The following MYO10 variants were observed in gnomAD, a reference collection of about 807,000 sequenced individuals.
MYO10 encodes the protein myosin X, also known as unconventional myosin-X.
In MYO10, 133 loss-of-function variants were observed where a neutral mutation model predicts 257.3. The observed-to-expected ratio is 0.52, with a 90% CI of 0.45 to 0.60. The LOEUF is 0.60. MYO10 is among the 20% of genes least tolerant of loss of function. MYO10 has a pLI of 0.00. For missense variants in MYO10, 2,399 were observed against 2,635.7 expected, an observed-to-expected ratio of 0.91 and a Z score of 1.97; for synonymous variants, 1,104 against 1,028.6, an observed-to-expected ratio of 1.07 and a Z score of -1.40.
chr5:16,756,148 C>T (rs1162817622), intron 18 of MYO10, among the ~76,000 whole-genome samples: 12 of 152,260 alleles, frequency 7.9e-5, no homozygotes, highest in South Asian at 2.1e-4. Context: ...TCACAGCTCA[C>T]GGCAGCTTCA....
At position 16,700,978 on chromosome 5, in the gene MYO10, C is replaced by A. The variant is rs777311040; in HGVS notation, c.3417G>T (p.Glu1139Asp). ...NSSGAYRFSS[E>D]GAQSSFEDSE... ...AGGTACTTACCGAGGACTGCGCCCCCTCAGAGCTGAACCGGTAGGCACCCG... is the reference window on the plus strand; with the variant it reads ...AGGTACTTACCGAGGACTGCGCCCCATCAGAGCTGAACCGGTAGGCACCCG... The change falls in exon 25 of 41, where the codon GAG (glutamate) becomes GAT (aspartate). Residue 1139 changes from glutamate (E) to aspartate (D), a missense_variant. Physicochemically the swap from Glu to Asp is conservative, Grantham distance 45. Transcript: ENST00000513610. The A allele has an allele frequency of 1.3e-6, 2 of 1,557,160 alleles. No individual in the cohort carries two copies. The highest frequency in any genetic ancestry group is 1.7e-6 in the Non-Finnish European group (2 of 1,150,206).
intron 2 of MYO10, among the ~76,000 whole-genome samples, chr5:16,829,897 A>G (rs550638936): frequency 4.0e-5 from 6 of 148,860 alleles, no homozygotes; most frequent in Middle Eastern, 3.5e-3. Context: ...ACACACACAC[A>G]CACACGCACA....
At chr5:16,855,007 A>G (rs78511667) in intron 2 of MYO10, among the ~76,000 whole-genome samples, 1,819 of 152,044 alleles carry the variant, frequency 0.012, 32 homozygotes, top group Middle Eastern at 0.034. Context: ...CACTCAGCCC[A>G]GACGACAACA....
chr5:16,699,652 T>C (rs768926829), intron 25 of MYO10, 79 bp from the exon 26 acceptor site: 24 of 1,585,148 alleles, frequency 1.5e-5, no homozygotes, highest in South Asian at 3.3e-5. Context: ...TGTATCATCA[T>C]TGAAAAAATA....
intron 1 of MYO10, among the ~76,000 whole-genome samples, chr5:16,899,440 G>C (rs1214385981): frequency 1.3e-5 from 2 of 151,486 alleles, no homozygotes; most frequent in Non-Finnish European, 2.9e-5. Context: ...TTCGAGACCA[G>C]CTTGCCCAAC....
chr5:16,711,012 G>C lies in MYO10; in HGVS notation c.2065C>G (p.Leu689Val). ...TCAGGCAGAGCCAGATTCCTCATCA[G>C]CACTTTATACCTGCAACGTGAAGAC... ...FQDFYKRYKV[L>V]MRNLALPEDV... The change falls in exon 21 of 41, where the codon CTG becomes GTG. Residue 689 changes from leucine (L) to valine (V), a missense_variant. Around this residue, in one of 3 missense-constraint regions of MYO10, gnomAD observed 1,820 missense variants for 1,939.4 expected, o/e 0.94. Transcript: ENST00000513610. 2 of 1,613,962 alleles carry C rather than the reference G, an allele frequency of 1.2e-6. No individual in the cohort carries two copies. The highest frequency in any genetic ancestry group is 1.7e-6 in the Non-Finnish European group (2 of 1,179,882).
intron 1 of MYO10, chr5:16,902,347 G>C: frequency 8.6e-7 from 1 of 1,168,394 alleles, no homozygotes; most frequent in Non-Finnish European, 1.3e-6. Flanking sequence ...CTAAATCAGG[G>C]TGGGGGTGTT....
chr5:16,906,290 C>T (rs903081173), intron 1 of MYO10, among the ~76,000 whole-genome samples: 1 of 152,170 alleles, frequency 6.6e-6, no homozygotes, highest in Non-Finnish European at 1.5e-5. Context: ...GAATTTGAGT[C>T]CTTCAGCTCG....
chr5:16,679,643 G>A (rs918988165), intron 33 of MYO10, among the ~76,000 whole-genome samples: 5 of 150,982 alleles, frequency 3.3e-5, no homozygotes, highest in African/African-American at 9.7e-5. Flanking sequence ...TTCTGCCTCA[G>A]CCTCCTGTGT....
In MYO10 at chr5:16,701,778, C is replaced by T. The variant is rs375660898; in HGVS notation, c.2617G>A (p.Glu873Lys). Residue 873 changes from glutamate to lysine, a missense_variant, in exon 25 of 41, where the codon GAA becomes AAA. Physicochemically the swap from Glu to Lys is moderately conservative, Grantham distance 56. Transcript: ENST00000513610. This position sits in a 1 kb window ranked among gnomAD's most constrained non-coding sequence, Gnocchi z 8.1. ...TGTTTCTCCAGTTCACGGGTCAGTT[C>T]AGCTTCCTTCTGGCTCTTCTGCAAG... is the stretch of plus-strand genomic sequence containing the variant. ...EALQKSQKEA[E>K]LTRELEKQKE... 3.7e-6 allele frequency: 6 copies of T among 1,613,654 alleles called. No homozygotes were observed. The highest frequency in any genetic ancestry group is 5.1e-6 in the Non-Finnish European group (6 of 1,179,814).
chr5:16,906,327 C>T (rs1213082332), intron 1 of MYO10, among the ~76,000 whole-genome samples: 3 of 152,184 alleles, frequency 2.0e-5, no homozygotes, highest in African/African-American at 4.8e-5. Context: ...TTCTCAGCAG[C>T]AACACCACTG....
At chr5:16,689,739 C>T in intron 28 of MYO10, 85 bp downstream of exon 28, 4 of 1,138,592 alleles carry the variant, frequency 3.5e-6, no homozygotes, top group Non-Finnish European at 5.3e-6. Flanking sequence ...AAGGCCAGTA[C>T]AGTAAACAGT....
intron 31 of MYO10, 120 bp from the exon 32 acceptor site, chr5:16,681,623 C>T: frequency 1.8e-6 from 2 of 1,140,904 alleles, no homozygotes; most frequent in Non-Finnish European, 2.5e-6. Flanking sequence ...AGAAAAAGAC[C>T]ACGAACACCC....
chr5:16,893,633 CAAAAA>C (rs58021066), intron 1 of MYO10, among the ~76,000 whole-genome samples: 1 of 57,210 alleles, frequency 1.7e-5, no homozygotes, highest in Admixed American at 2.0e-4. Flanking sequence ...GACTCTGTCT[CAAAAA>C]AAAAAAAAAA....
intron 3 of MYO10, chr5:16,814,751 CG>C (rs1055796166): frequency 2.6e-5 from 4 of 151,870 alleles, no homozygotes; most frequent in African/African-American, 7.3e-5. Flanking sequence ...AAGCCTCAAA[CG>C]GAAGGTCTAC....
intron 28 of MYO10, 47 bp downstream of exon 28, chr5:16,689,777 T>C (rs372699020): frequency 2.2e-5 from 32 of 1,446,970 alleles, no homozygotes; most frequent in Non-Finnish European, 2.9e-5. Context: ...CACCTGTGCA[T>C]GAGGGAGCAG....
intron 3 of MYO10, among the ~76,000 whole-genome samples, chr5:16,804,285 T>C (rs900006239): frequency 6.6e-6 from 1 of 152,206 alleles, no homozygotes; most frequent in South Asian, 2.1e-4. Context: ...TCACCTTGCA[T>C]TGACTAACTT....
At chr5:16,841,001 C>T (rs935920817) in intron 2 of MYO10, among the ~76,000 whole-genome samples, 3 of 151,728 alleles carry the variant, frequency 2.0e-5, no homozygotes, top group Non-Finnish European at 2.9e-5. Flanking sequence ...AAAAATTAGC[C>T]GGGCGTGGTG....
chr5:16,876,119 T>TA (rs372109388), intron 2 of MYO10, among the ~76,000 whole-genome samples: 47 of 151,842 alleles, frequency 3.1e-4, no homozygotes, highest in African/African-American at 8.7e-4. Flanking sequence ...TCTCAGAAAA[T>TA]AAAAAAATAA....
Sources: gnomAD v4.1 joint callset for allele counts (sites outside exome capture counted in the v4.1 genomes callset) on GRCh38, gnomAD v4.1.1 for gene constraint, gnomAD v4.1.1 regional missense constraint, Gnocchi (gnomAD v3.1) non-coding constraint, MANE v1.5 for transcripts, NCBI Gene and HGNC (gene_info 2026-07-23, HGNC 2026-07-21) for gene names.